SCN4B: variants seen among roughly 807,000 people sequenced by gnomAD.
SCN4B encodes the protein sodium voltage-gated channel beta subunit 4, also known as sodium channel regulatory subunit beta-4.
Under a neutral mutation model 19.6 loss-of-function variants are expected in SCN4B, and 20 were observed. The ratio of observed to expected loss-of-function variants is 1.02; its 90% CI spans 0.72 to 1.48. The LOEUF (loss-of-function observed/expected upper bound fraction) is 1.48, where lower values mean the gene tolerates loss of function less well. Among genes scored for constraint, SCN4B ranks in the 40% most tolerant of loss-of-function variants. The pLI is 0.00. For missense variants in SCN4B, 271 were observed against 287.5 expected (o/e 0.94, Z 0.42); for synonymous variants, 127 against 122.8 (o/e 1.03, Z -0.22).
Position 118,134,759 on chromosome 11 carries a change from G to A in SCN4B, c.*2268C>T, listed in dbSNP as rs886047720. On this transcript the variant is annotated 3_prime_UTR_variant, in exon 5 of 5. Coordinates refer to ENST00000324727, the MANE Select transcript of SCN4B (RefSeq NM_174934.4). The stretch of plus-strand genomic sequence containing the variant: ...ACAGAGATGAAGACAGGACAGACTT[G>A]GAACTATCCCTGCAATTAATACCTG... 4.4e-6 allele frequency: 2 copies of A among 453,940 alleles called. No homozygotes were observed. Among genetic ancestry groups the A allele is most frequent in the East Asian group, 1.4e-4 (2 of 14,398 alleles). The allele number at this position is 453,940 out of a possible 1,614,324, so 28.1% of individuals were successfully genotyped here. A position where few individuals can be genotyped will look rare whatever the true frequency, so the allele number is the denominator to read the frequency against.
chr11:118,141,908 C>T (rs61900623), intron 3 of SCN4B: 4,256 of 159,752 alleles, frequency 0.027, 82 homozygotes, highest in Middle Eastern at 0.053. Context: ...GCTCCACCCA[C>T]AGTCTTCCTC....
chr11:118,144,945 G>T, intron 2 of SCN4B, 112 bp downstream of exon 2: 1 of 1,044,030 alleles, frequency 9.6e-7, no homozygotes, highest in Non-Finnish European at 1.5e-6. Context: ...GTGGCAAAAG[G>T]TGGGTTCTGG....
At chr11:118,145,652 G>A in intron 1 of SCN4B, 1 of 356,754 alleles carries the variant, frequency 2.8e-6, no homozygotes, top group Non-Finnish European at 5.3e-6. Context: ...AGGACAGTAC[G>A]CGCCTCTCGC....
intron 1 of SCN4B, among the ~76,000 whole-genome samples, chr11:118,147,696 T>A (rs1948195092): frequency 6.6e-6 from 1 of 152,122 alleles, no homozygotes; most frequent in Non-Finnish European, 1.5e-5. Context: ...CTTCCCACCC[T>A]CCACAGCCCC....
Position 118,134,227 on chromosome 11 carries a change from T to C in SCN4B, c.*2800A>G. Reference sequence around the variant, plus strand: ...CCCAGAACCTGGAATGCTGATTTCATATTTTGTAGTTGATGAGGAGCTCAG... The same window carrying C: ...CCCAGAACCTGGAATGCTGATTTCACATTTTGTAGTTGATGAGGAGCTCAG... On this transcript the variant is annotated 3_prime_UTR_variant, in exon 5 of 5. Transcript: ENST00000324727. 1 of 454,162 alleles carries C rather than the reference T, an allele frequency of 2.2e-6. No individual in the cohort carries two copies. The highest frequency in any genetic ancestry group is 1.6e-5 in the South Asian group (1 of 64,480). 28.1% of individuals were successfully genotyped at this position (454,162 alleles called of 1,614,324 possible).
In SCN4B at chr11:118,136,495, A is replaced by T. The variant is rs1469614574; in HGVS notation, c.*532T>A. 3.3e-5 allele frequency: 15 copies of T among 453,496 alleles called. No homozygotes were observed. The highest frequency in any genetic ancestry group is 6.2e-5 in the Non-Finnish European group (14 of 226,734). 28.1% of individuals were successfully genotyped at this position (453,496 alleles called of 1,614,324 possible). A position where few individuals can be genotyped will look rare whatever the true frequency, so the allele number is the denominator to read the frequency against. ...CTTGGAAGACTGTGGGGGATCTGGT[A>T]TCCTATGAAGCAGAGGCAGTCTCTC... On this transcript the variant is annotated 3_prime_UTR_variant, in exon 5 of 5. Coordinates refer to ENST00000324727, the MANE Select transcript of SCN4B (RefSeq NM_174934.4).
At position 118,135,352 on chromosome 11, in the gene SCN4B, G is replaced by A. The variant is rs1385839438; in HGVS notation, c.*1675C>T. On this transcript the variant is annotated 3_prime_UTR_variant, in exon 5 of 5. Transcript: ENST00000324727. ...CGAGGCTTGCAGCTGCTTTTTGACA[G>A]GGAGAGCTCTGAGGTAGACCCCAAA... The A allele has an allele frequency of 2.2e-6, 1 of 454,074 alleles. No homozygotes were observed. The highest frequency in any genetic ancestry group is 4.4e-6 in the Non-Finnish European group (1 of 226,792). The allele number at this position is 454,074 out of a possible 1,614,324, so 28.1% of individuals were successfully genotyped here.
intron 1 of SCN4B, 132 bp downstream of exon 1, chr11:118,152,481 G>T: frequency 1.3e-6 from 1 of 747,182 alleles, no homozygotes; most frequent in Non-Finnish European, 2.3e-6. Flanking sequence ...CAGGCAGGAA[G>T]CCGGCGGCCA....
At chr11:118,147,008 C>T (rs1948185618) in intron 1 of SCN4B, among the ~76,000 whole-genome samples, 2 of 152,346 alleles carry the variant, frequency 1.3e-5, no homozygotes, top group East Asian at 3.9e-4. Context: ...GAGAGCGCAT[C>T]AGAATCCCCT....
At position 118,134,322 on chromosome 11, in the gene SCN4B, T is replaced by G. The variant is rs556066397; in HGVS notation, c.*2705A>C. 2.2e-6 allele frequency: 1 copy of G among 454,090 alleles called. No individual in the cohort carries two copies. Among genetic ancestry groups the G allele is most frequent in the South Asian group, 1.6e-5 (1 of 64,470 alleles). 28.1% of individuals were successfully genotyped at this position (454,090 alleles called of 1,614,324 possible). The stretch of plus-strand genomic sequence containing the variant: ...GTGGCCAGGTCTCTCAAGATCGACT[T>G]TGTAAGTGGCTCTCTCTAGCCCACA... On this transcript the variant is annotated 3_prime_UTR_variant, in exon 5 of 5. Transcript: ENST00000324727.
intron 3 of SCN4B, 33 bp downstream of exon 3, chr11:118,143,800 C>T (rs375905755): frequency 7.1e-5 from 110 of 1,540,506 alleles, no homozygotes; most frequent in East Asian, 6.5e-4. Context: ...GTCCTTCCCA[C>T]GCCACTGCCC....
chr11:118,141,299 C>T lies in SCN4B; in HGVS notation c.501G>A (p.Leu167=), dbSNP rs1448840191. Residue 167 remains leucine, a synonymous_variant, in exon 4 of 5, where the codon CTG becomes CTA. Coordinates refer to ENST00000324727, the MANE Select transcript of SCN4B (RefSeq NM_174934.4). ...EVDNTVTLII[L]AVVGGVIGLL... ...GCCCGATGACCCCGCCCACGACAGCCAGGATGATGAGTGTCACTGTGTTGT... is the reference window on the plus strand; with the variant it reads ...GCCCGATGACCCCGCCCACGACAGCTAGGATGATGAGTGTCACTGTGTTGT... 1.9e-6 allele frequency: 3 copies of T among 1,612,400 alleles called. No homozygotes were observed. Among genetic ancestry groups the T allele is most frequent in the African/African-American group, 1.3e-5 (1 of 74,842 alleles).
intron 1 of SCN4B, among the ~76,000 whole-genome samples, chr11:118,151,758 T>C (rs931987729): frequency 3.3e-5 from 5 of 152,212 alleles, no homozygotes; most frequent in African/African-American, 1.2e-4. Flanking sequence ...TGGAGTCGGC[T>C]TACATTAAAG....
rs542235832 is a variant in SCN4B, at chr11:118,144,816, C to T, written c.234+241G>A. 7.4e-4 allele frequency among the ~76,000 whole-genome samples: 113 copies of T among 152,286 alleles called. 2 individuals are homozygous for T. Among genetic ancestry groups the T allele is most frequent in the African/African-American group, 2.7e-3 (112 of 41,532 alleles). On this transcript the variant is annotated intron_variant, in intron 2 of 4. Coordinates refer to ENST00000324727, the MANE Select transcript of SCN4B (RefSeq NM_174934.4). ...TCCAAGCTCCGGGTGTTTCTTAAGA[C>T]CAGACAGAGGACTCTAGCCAAGAAT...
In SCN4B at chr11:118,136,014, G is replaced by A. The variant is rs1213274953; in HGVS notation, c.*1013C>T. 1 of 444,642 alleles carries A rather than the reference G, an allele frequency of 2.2e-6. No individual in the cohort carries two copies. The highest frequency in any genetic ancestry group is 1.6e-5 in the South Asian group (1 of 63,438). The allele number at this position is 444,642 out of a possible 1,614,324, so 27.5% of individuals were successfully genotyped here. The stretch of plus-strand genomic sequence containing the variant: ...GGCTGGGAAATGAACCACCCTGGGG[G>A]CAGGGCGTGATGGAGGGCACGGTGG... On this transcript the variant is annotated 3_prime_UTR_variant, in exon 5 of 5. Coordinates refer to ENST00000324727, the MANE Select transcript of SCN4B (RefSeq NM_174934.4).
rs1948138616 is a variant in SCN4B at position 118,144,177 on chromosome 11, A to G, written c.235-116T>C. Reference sequence around the variant, plus strand: ...ATGCCTCCCCTGTCCAGGACCAGGAAGAGCCTGTAGTCACGCCCTGCTCCT... The same window carrying G: ...ATGCCTCCCCTGTCCAGGACCAGGAGGAGCCTGTAGTCACGCCCTGCTCCT... On this transcript the variant is annotated intron_variant, in intron 2 of 4. Transcript: ENST00000324727. 4 of 736,420 alleles carry G rather than the reference A, an allele frequency of 5.4e-6. No individual in the cohort carries two copies. In the South Asian group the frequency reaches 5.9e-5, roughly 11 times the overall value. 45.6% of individuals were successfully genotyped at this position (736,420 alleles called of 1,614,324 possible). A position where few individuals can be genotyped will look rare whatever the true frequency, so the allele number is the denominator to read the frequency against.
rs764008407 is a variant in SCN4B at position 118,133,592 on chromosome 11, A to T, written c.*3435T>A. The T allele has an allele frequency of 3.3e-5, 15 of 454,424 alleles. No homozygotes were observed. The highest frequency in any genetic ancestry group is 5.3e-5 in the Non-Finnish European group (12 of 226,800). 28.1% of individuals were successfully genotyped at this position (454,424 alleles called of 1,614,324 possible). On this transcript the variant is annotated 3_prime_UTR_variant, in exon 5 of 5. Coordinates refer to ENST00000324727, the MANE Select transcript of SCN4B (RefSeq NM_174934.4). Reference sequence around the variant, plus strand: ...ATTTGATCTATAGTTACATAGGAAAATTGACTATGGGTATTGTTGTCATCC... The same window carrying T: ...ATTTGATCTATAGTTACATAGGAAATTTGACTATGGGTATTGTTGTCATCC...
In SCN4B at chr11:118,136,046, G is replaced by T. The variant is rs896169982; in HGVS notation, c.*981C>A. 1.2e-5 allele frequency: 5 copies of T among 434,690 alleles called. No homozygotes were observed. Among genetic ancestry groups the T allele is most frequent in the African/African-American group, 6.2e-5 (3 of 48,616 alleles). The allele number at this position is 434,690 out of a possible 1,614,324, so 26.9% of individuals were successfully genotyped here. A position where few individuals can be genotyped will look rare whatever the true frequency, so the allele number is the denominator to read the frequency against. ...GTGATGGAGGGCACGGTGGGGGGGG[G>T]GGAGCGAGCCAATGGGAGGTTGGAG... On this transcript the variant is annotated 3_prime_UTR_variant, in exon 5 of 5. Coordinates refer to ENST00000324727, the MANE Select transcript of SCN4B (RefSeq NM_174934.4).
intron 4 of SCN4B, among the ~76,000 whole-genome samples, chr11:118,138,404 A>G (rs997936943): frequency 2.0e-5 from 3 of 152,294 alleles, no homozygotes; most frequent in Admixed American, 1.3e-4. Flanking sequence ...TCCCTAGTGT[A>G]CTTCAAATGT....
Sources: allele counts gnomAD v4.1 joint callset (sites outside exome capture counted in the v4.1 genomes callset), GRCh38; gene constraint gnomAD v4.1.1; transcripts MANE v1.5; gene names NCBI Gene and HGNC (gene_info 2026-07-23, HGNC 2026-07-21).